The following CYYR1 variants were observed in gnomAD, a reference collection of about 807,000 sequenced individuals.
The protein encoded by CYYR1 is cysteine and tyrosine-rich protein 1.
In CYYR1, 14 loss-of-function variants were observed where a neutral mutation model predicts 15.2. The observed-to-expected ratio is 0.92, with a 90% CI of 0.61 to 1.44. The LOEUF is 1.44. CYYR1 is among the 40% of genes most tolerant of loss of function. The pLI is 0.00. For missense variants in CYYR1, 228 were observed against 209.5 expected (o/e 1.09, Z -0.54); for synonymous variants, 80 against 77.4 (o/e 1.03, Z -0.18).
intron 2 of CYYR1, among the ~76,000 whole-genome samples, chr21:26,493,337 A>G (rs1201506146): frequency 6.6e-6 from 1 of 152,212 alleles, no homozygotes; most frequent in Non-Finnish European, 1.5e-5. Context: ...GATGGGTACC[A>G]GACTGCATCC....
intron 2 of CYYR1, chr21:26,482,567 C>T: frequency 1.1e-6 from 1 of 951,882 alleles, no homozygotes; most frequent in Non-Finnish European, 1.3e-6. Context: ...TTTGTTGAAG[C>T]ACGTTCCTGA....
chr21:26,564,600 A>T lies in CYYR1; in HGVS notation c.176+1666T>A, dbSNP rs1025765901. 1.7e-5 allele frequency: 14 copies of T among 820,530 alleles called. No individual in the cohort carries two copies. In the African/African-American group the frequency reaches 2.6e-4, roughly 15 times the overall value. The allele number at this position is 820,530 out of a possible 1,614,324, so 50.8% of individuals were successfully genotyped here. On this transcript the variant is annotated intron_variant, in intron 2 of 3. Transcript: ENST00000652641. ...TGTAAATCATATCAAGTACATCTAT[A>T]AATTCAAATATATAAAAATATTCTG...
Position 26,573,280 on chromosome 21 carries a change from C to A in CYYR1, c.-340G>T. The A allele has an allele frequency of 7.7e-7, 1 of 1,294,604 alleles. No individual in the cohort carries two copies. The highest frequency in any genetic ancestry group is 1.0e-6 in the Non-Finnish European group (1 of 1,003,774). 80.2% of individuals were successfully genotyped at this position (1,294,604 alleles called of 1,614,324 possible). ...CACATTTCATCTCCGCGGGTGGCAA[C>A]GACTGCGGGCAGGGGGCGGGGGTGG... On this transcript the variant is annotated 5_prime_UTR_variant, in exon 1 of 4. Coordinates refer to ENST00000652641, the MANE Select transcript of CYYR1 (RefSeq NM_001320768.2).
At chr21:26,516,085 CT>C (rs1028123077) in intron 2 of CYYR1, among the ~76,000 whole-genome samples, 3 of 152,152 alleles carry the variant, frequency 2.0e-5, no homozygotes, top group South Asian at 2.1e-4. Flanking sequence ...TCTAAAAATA[CT>C]TTTCACTGCC....
At chr21:26,489,526 A>C (rs958489040) in intron 2 of CYYR1, among the ~76,000 whole-genome samples, 2 of 151,998 alleles carry the variant, frequency 1.3e-5, no homozygotes, top group African/African-American at 4.8e-5. Flanking sequence ...ACGATTTTTC[A>C]GTTTTCTGTA....
At chr21:26,548,965 G>A (rs1415357625) in intron 2 of CYYR1, among the ~76,000 whole-genome samples, 1 of 151,848 alleles carries the variant, frequency 6.6e-6, no homozygotes, top group Non-Finnish European at 1.5e-5. Context: ...TTTAAGACAG[G>A]AATACATGAT....
chr21:26,475,871 AG>A (rs2065096486), intron 3 of CYYR1, among the ~76,000 whole-genome samples: 2 of 152,326 alleles, frequency 1.3e-5, no homozygotes, highest in Admixed American at 1.3e-4. Context: ...AGTGTCTTCA[AG>A]GTGAAGGCAT....
intron 2 of CYYR1, among the ~76,000 whole-genome samples, chr21:26,558,242 T>A (rs934903486): frequency 8.5e-5 from 13 of 152,186 alleles, no homozygotes; most frequent in Non-Finnish European, 1.0e-4. Context: ...TTGCCTTTTT[T>A]TAATTACAAG....
chr21:26,547,779 C>CTTTTTTTT (rs11298777), intron 2 of CYYR1, among the ~76,000 whole-genome samples: 1 of 143,416 alleles, frequency 7.0e-6, no homozygotes, highest in Non-Finnish European at 1.5e-5. Context: ...TCTATTTCTA[C>CTTTTTTTT]TTTTTTTTTT....
At chr21:26,503,355 C>T (rs1027655014) in intron 2 of CYYR1, among the ~76,000 whole-genome samples, 9 of 152,054 alleles carry the variant, frequency 5.9e-5, no homozygotes, top group Non-Finnish European at 1.5e-5. Context: ...AAAAACTCTA[C>T]TTAAACAGTA....
chr21:26,474,078 G>C (rs1260000039), intron 3 of CYYR1, among the ~76,000 whole-genome samples: 4 of 133,504 alleles, frequency 3.0e-5, no homozygotes, highest in Non-Finnish European at 6.2e-5. Context: ...ATGGAGTCTT[G>C]CTCTGTTGCC....
At chr21:26,505,473 C>T (rs1448632743) in intron 2 of CYYR1, among the ~76,000 whole-genome samples, 1 of 152,206 alleles carries the variant, frequency 6.6e-6, no homozygotes, top group East Asian at 1.9e-4. Context: ...GCATTGGCTG[C>T]TCAACCTTGC....
chr21:26,548,949 A>G lies in CYYR1; in HGVS notation c.176+17317T>C, dbSNP rs147328831. 2.0e-3 allele frequency among the ~76,000 whole-genome samples: 297 copies of G among 152,276 alleles called. 2 individuals are homozygous for G. Among genetic ancestry groups the G allele is most frequent in the African/African-American group, 6.8e-3 (281 of 41,556 alleles). On this transcript the variant is annotated intron_variant, in intron 2 of 3. Coordinates refer to ENST00000652641, the MANE Select transcript of CYYR1 (RefSeq NM_001320768.2). ...AACTGCAAGACATTTATAAGCTTGA[A>G]TGTGATTTAAGACAGGAATACATGA... is the stretch of plus-strand genomic sequence containing the variant.
At position 26,468,582 on chromosome 21, in the gene CYYR1, C is replaced by T. The variant is rs61732531; in HGVS notation, c.387G>A (p.Leu129=). ...GTGGGGTGGGGGAGTATGGAGGAGG[C>T]AAGTCTGCACAGTATTCCATCTCGT... The part of the protein sequence containing the change: ...HDHEMEYCAD[L]PPPYSPTPQG... Residue 129 remains leucine, a synonymous_variant, in exon 4 of 4, where the codon TTG becomes TTA. Transcript: ENST00000652641. 95 of 1,613,008 alleles carry T rather than the reference C, an allele frequency of 5.9e-5. 1 individual carries two copies. In the Middle Eastern group the frequency reaches 2.0e-3, roughly 34 times the overall value.
intron 2 of CYYR1, among the ~76,000 whole-genome samples, chr21:26,484,567 A>C (rs527317234): frequency 6.6e-6 from 1 of 152,228 alleles, no homozygotes; most frequent in East Asian, 1.9e-4. Context: ...AAAGGAGATA[A>C]TTCGAAGTGA....
intron 2 of CYYR1, among the ~76,000 whole-genome samples, chr21:26,488,146 CAG>C (rs756384949): frequency 9.2e-5 from 14 of 152,100 alleles, no homozygotes; most frequent in Non-Finnish European, 1.9e-4. Context: ...AGCCCCATGA[CAG>C]AGACAATTGT....
At chr21:26,550,993 ACT>A (rs1343906111) in intron 2 of CYYR1, 1 of 152,508 alleles carries the variant, frequency 6.6e-6, no homozygotes, top group African/African-American at 2.4e-5. Context: ...GAACAGGGTG[ACT>A]CTCTTGTCAG....
chr21:26,545,613 G>T, intron 2 of CYYR1, among the ~76,000 whole-genome samples: 1 of 119,234 alleles, frequency 8.4e-6, no homozygotes, highest in East Asian at 2.9e-4. Context: ...TCTCGCCCAG[G>T]CTGGAGTTCA....
At chr21:26,486,027 G>A (rs572901005) in intron 2 of CYYR1, among the ~76,000 whole-genome samples, 10 of 152,074 alleles carry the variant, frequency 6.6e-5, no homozygotes, top group Admixed American at 2.6e-4. Flanking sequence ...TTGCATTCCC[G>A]TAATGGCTAG....
Sources: allele counts gnomAD v4.1 joint callset (sites outside exome capture counted in the v4.1 genomes callset), GRCh38; gene constraint gnomAD v4.1.1; transcripts MANE v1.5; gene names NCBI Gene and HGNC (gene_info 2026-07-23, HGNC 2026-07-21).